The following MAST4 variants were observed in gnomAD, a reference collection of about 807,000 sequenced individuals.
MAST4 encodes microtubule associated serine/threonine kinase family member 4.
A neutral mutation model predicts 162.7 loss-of-function variants in MAST4; 89 were observed. The ratio of observed to expected loss-of-function variants is 0.55; its 90% CI spans 0.46 to 0.65. The LOEUF (loss-of-function observed/expected upper bound fraction) is 0.65. Among genes scored for constraint, MAST4 ranks in the 30% least tolerant of loss-of-function variants. The pLI is 0.00. For synonymous variants in MAST4, 1,479 were observed against 1,361.1 expected, an observed-to-expected ratio of 1.09 and a Z score of -1.91; for missense variants, 3,153 against 3,374.0, an observed-to-expected ratio of 0.93 and a Z score of 1.62.
chr5:67,113,129 C>T (rs562894038), intron 11 of MAST4, among the ~76,000 whole-genome samples: 13 of 151,750 alleles, frequency 8.6e-5, no homozygotes, highest in Admixed American at 2.6e-4. Flanking sequence ...CTGGCTAACT[C>T]GGTGAAACCC....
chr5:66,698,531 C>T (rs1199377264), intron 1 of MAST4, among the ~76,000 whole-genome samples: 9 of 152,020 alleles, frequency 5.9e-5, no homozygotes, highest in African/African-American at 2.2e-4. Context: ...TTATTCTTGG[C>T]TCTCTCCTCC....
chr5:67,134,845 T>C (rs182520906), intron 18 of MAST4, among the ~76,000 whole-genome samples, 157 bp downstream of exon 18: 1 of 152,326 alleles, frequency 6.6e-6, no homozygotes, highest in Non-Finnish European at 1.5e-5. Flanking sequence ...TAACTGACAT[T>C]CTTAATCTCA....
At chr5:66,635,946 GTTTTTTTTTTTTTTTTTT>G (rs530576186) in intron 1 of MAST4, among the ~76,000 whole-genome samples, 1 of 41,278 alleles carries the variant, frequency 2.4e-5, no homozygotes, top group Non-Finnish European at 4.7e-5. Context: ...GATAGAGACT[GTTTTTTTTTTTTTTTTTT>G]TTTTTTTTTT....
chr5:66,855,076 A>G (rs1245294041), intron 3 of MAST4, among the ~76,000 whole-genome samples: 3 of 152,078 alleles, frequency 2.0e-5, no homozygotes, highest in African/African-American at 7.2e-5. Context: ...TATGGTTTGG[A>G]TCTGTGGCCC....
chr5:67,136,166 T>C lies in MAST4; in HGVS notation c.2393-397T>C, dbSNP rs1769618473. ...AAGAGAGAAAAATCTGAACCTGAGA[T>C]AATCCCTGGATGGATATATTAGCCA... is the stretch of plus-strand genomic sequence containing the variant. On this transcript the variant is annotated intron_variant, in intron 18 of 28. Transcript: ENST00000403625. Among the ~76,000 whole-genome samples the C allele has an allele frequency of 2.6e-5, 4 of 152,374 alleles. No individual in the cohort carries two copies. The South Asian group carries it at 8.3e-4, about 32-fold the overall frequency.
intron 4 of MAST4, among the ~76,000 whole-genome samples, chr5:67,038,662 A>G (rs954593275): frequency 5.3e-5 from 8 of 152,206 alleles, no homozygotes; most frequent in African/African-American, 1.9e-4. Flanking sequence ...CTTACCACTC[A>G]TCTCCCTTCT....
At chr5:66,788,379 C>G (rs1467484326) in intron 2 of MAST4, among the ~76,000 whole-genome samples, 3 of 152,148 alleles carry the variant, frequency 2.0e-5, no homozygotes, top group African/African-American at 4.8e-5. Context: ...TATATATTCT[C>G]AACACATTCC....
intron 4 of MAST4, among the ~76,000 whole-genome samples, chr5:67,018,902 A>G (rs1391121637): frequency 6.6e-6 from 1 of 152,196 alleles, no homozygotes; most frequent in Admixed American, 6.5e-5. Flanking sequence ...TACATGGCTC[A>G]AGACAAAAAA....
chr5:67,104,858 AT>A (rs369598025), intron 10 of MAST4, among the ~76,000 whole-genome samples: 4 of 152,100 alleles, frequency 2.6e-5, no homozygotes, highest in East Asian at 3.9e-4. Context: ...TGAAGCAGTG[AT>A]TTTTTCCCCC....
intron 4 of MAST4, among the ~76,000 whole-genome samples, chr5:66,975,097 T>A (rs1016317311): frequency 1.3e-5 from 2 of 152,100 alleles, no homozygotes; most frequent in Non-Finnish European, 2.9e-5. Flanking sequence ...TAAGTGCCCT[T>A]GTGAGAGAGG....
chr5:66,725,847 G>A (rs538827048), intron 1 of MAST4, among the ~76,000 whole-genome samples: 32 of 152,228 alleles, frequency 2.1e-4, no homozygotes, highest in Middle Eastern at 3.4e-3. Context: ...GTTATGTGCC[G>A]GTTGAAATAG....
chr5:67,068,838 G>GTAA (rs1760557228), intron 5 of MAST4, among the ~76,000 whole-genome samples: 1 of 152,034 alleles, frequency 6.6e-6, no homozygotes, highest in African/African-American at 2.4e-5. Flanking sequence ...GATAAGCAAG[G>GTAA]TAATAGTAAG....
intron 3 of MAST4, among the ~76,000 whole-genome samples, chr5:66,877,746 G>A (rs746682255): frequency 2.6e-5 from 4 of 152,028 alleles, no homozygotes; most frequent in Non-Finnish European, 4.4e-5. Context: ...TCCACAAACC[G>A]AACAAGATCA....
intron 4 of MAST4, among the ~76,000 whole-genome samples, chr5:67,007,735 A>G (rs886860533): frequency 5.9e-5 from 9 of 152,120 alleles, no homozygotes; most frequent in African/African-American, 2.2e-4. Flanking sequence ...TCATCATGGA[A>G]ACTTTTGGTT....
chr5:66,977,570 A>G (rs1278160682), intron 4 of MAST4, among the ~76,000 whole-genome samples: 1 of 152,144 alleles, frequency 6.6e-6, no homozygotes, highest in East Asian at 1.9e-4. Flanking sequence ...GATCTTGTTT[A>G]TTCAGTTTAT....
chr5:66,596,605 G>C lies in MAST4; in HGVS notation c.-51G>C, dbSNP rs1361738194. 6.5e-6 allele frequency: 9 copies of C among 1,386,606 alleles called. No homozygotes were observed. Among genetic ancestry groups the C allele is most frequent in the Non-Finnish European group, 7.4e-6 (8 of 1,074,102 alleles). 85.9% of individuals were successfully genotyped at this position (1,386,606 alleles called of 1,614,324 possible). A position where few individuals can be genotyped will look rare whatever the true frequency, so the allele number is the denominator to read the frequency against. On this transcript the variant is annotated 5_prime_UTR_variant, in exon 1 of 29. Coordinates refer to ENST00000403625, the MANE Select transcript of MAST4 (RefSeq NM_001164664.2). ...CCGCGTCTTCCCCGGGAGGCGCTGAGTGCGCGCCGCGCCCCCGCCGCTCGG... is the reference window on the plus strand; with the variant it reads ...CCGCGTCTTCCCCGGGAGGCGCTGACTGCGCGCCGCGCCCCCGCCGCTCGG...
chr5:66,985,770 TG>T (rs1162657053), intron 4 of MAST4, among the ~76,000 whole-genome samples: 1 of 152,110 alleles, frequency 6.6e-6, no homozygotes, highest in Non-Finnish European at 1.5e-5. Context: ...AACTTTCATA[TG>T]TGGGGCTGCT....
At chr5:66,636,725 AT>A (rs984860106) in intron 1 of MAST4, among the ~76,000 whole-genome samples, 4 of 152,146 alleles carry the variant, frequency 2.6e-5, no homozygotes, top group African/African-American at 7.2e-5. Context: ...TATGGCACAA[AT>A]GGCCAGGATA....
intron 1 of MAST4, among the ~76,000 whole-genome samples, chr5:66,598,319 G>T (rs1742331376): frequency 1.3e-5 from 2 of 152,284 alleles, no homozygotes; most frequent in African/African-American, 2.4e-5. Flanking sequence ...CTACTGAGTG[G>T]TGAGACCTTG....
Sources: allele counts gnomAD v4.1 joint callset (sites outside exome capture counted in the v4.1 genomes callset), GRCh38; gene constraint gnomAD v4.1.1; transcripts MANE v1.5; gene names NCBI Gene and HGNC (gene_info 2026-07-23, HGNC 2026-07-21).